SLC4A10: variants seen among roughly 807,000 people sequenced by gnomAD.
SLC4A10 encodes the protein sodium-driven chloride bicarbonate exchanger.
In SLC4A10, 42 loss-of-function variants were observed where a neutral mutation model predicts 137.7. That is an observed-to-expected ratio of 0.30 (90% CI 0.24 to 0.39). The LOEUF (loss-of-function observed/expected upper bound fraction) is 0.39. SLC4A10 is among the 10% of genes least tolerant of loss of function. The pLI is 1.00. For synonymous variants in SLC4A10, 474 were observed against 464.1 expected (o/e 1.02, Z -0.27); for missense variants, 925 against 1,355.0 (o/e 0.68, Z 4.98).
chr2:161,877,871 T>C (rs996563223), intron 8 of SLC4A10, among the ~76,000 whole-genome samples: 2 of 152,068 alleles, frequency 1.3e-5, no homozygotes, highest in African/African-American at 4.8e-5. Flanking sequence ...TACTGTAGGA[T>C]ATTTTTATAT....
chr2:161,832,651 G>GTC (rs1214157683), intron 3 of SLC4A10, among the ~76,000 whole-genome samples: 1 of 152,132 alleles, frequency 6.6e-6, no homozygotes, highest in Non-Finnish European at 1.5e-5. Context: ...TTCACCTATT[G>GTC]TAACAATTAG....
chr2:161,754,837 G>A (rs1433983790), intron 1 of SLC4A10, among the ~76,000 whole-genome samples: 1 of 151,950 alleles, frequency 6.6e-6, no homozygotes, highest in Non-Finnish European at 1.5e-5. Context: ...TTATTCATTG[G>A]AAATAGCAAG....
intron 2 of SLC4A10, among the ~76,000 whole-genome samples, chr2:161,771,999 G>T (rs1389597174): frequency 6.6e-6 from 1 of 151,694 alleles, no homozygotes; most frequent in South Asian, 2.1e-4. Flanking sequence ...ATTGCTCTTG[G>T]ATCTTATCTT....
intron 1 of SLC4A10, among the ~76,000 whole-genome samples, chr2:161,767,239 TATA>T (rs2051006454): frequency 7.4e-6 from 1 of 134,874 alleles, no homozygotes; most frequent in African/African-American, 2.8e-5. Context: ...TATACACATA[TATA>T]TATATATATA....
chr2:161,642,807 C>G (rs1245781519), intron 1 of SLC4A10, among the ~76,000 whole-genome samples: 2 of 151,886 alleles, frequency 1.3e-5, no homozygotes, highest in East Asian at 3.9e-4. Context: ...AAAAATAGGT[C>G]AGTACAAATA....
At position 161,732,554 on chromosome 2, in the gene SLC4A10, C is replaced by T. The variant is rs371221872; in HGVS notation, c.49-38419C>T. ...GTCACTAATACTTAGAACAGTACAT[C>T]ATCATATTTTATGAGTATGTCTCCC... On this transcript the variant is annotated intron_variant, in intron 1 of 26. Coordinates refer to ENST00000446997, the MANE Select transcript of SLC4A10 (RefSeq NM_001178015.2). Among the ~76,000 whole-genome samples the T allele has an allele frequency of 3.0e-4, 46 of 152,310 alleles. 1 individual carries two copies. The South Asian group carries it at 9.1e-3, about 30-fold the overall frequency.
chr2:161,771,014 T>G lies in SLC4A10; in HGVS notation c.90T>G (p.Arg30=). Residue 30 remains arginine, a synonymous_variant, in exon 2 of 27, where the codon CGT becomes CGG. Transcript: ENST00000446997. ...EEAVVDRGGT[R]SILKTHFEKE... is the part of the protein sequence containing the mutation. Reference sequence around the variant, plus strand: ...CAGTTGTGGATAGAGGTGGAACTCGTTCTATTCTCAAAACACACTTTGAGA... The same window carrying G: ...CAGTTGTGGATAGAGGTGGAACTCGGTCTATTCTCAAAACACACTTTGAGA... 1 of 1,606,302 alleles carries G rather than the reference T, an allele frequency of 6.2e-7. No individual in the cohort carries two copies. Among genetic ancestry groups the G allele is most frequent in the Non-Finnish European group, 8.5e-7 (1 of 1,175,946 alleles).
intron 4 of SLC4A10, among the ~76,000 whole-genome samples, chr2:161,843,684 A>T (rs1211239469): frequency 1.3e-5 from 2 of 152,074 alleles, no homozygotes; most frequent in African/African-American, 2.4e-5. Flanking sequence ...TTAATTCATG[A>T]CTCCATCTGA....
chr2:161,827,530 C>G (rs559546464), intron 3 of SLC4A10, among the ~76,000 whole-genome samples: 25 of 152,180 alleles, frequency 1.6e-4, no homozygotes, highest in South Asian at 1.0e-3. Context: ...ACCATCACCC[C>G]CTATCTCTAA....
At chr2:161,929,110 A>G (rs1277327136) in intron 15 of SLC4A10, among the ~76,000 whole-genome samples, 2 of 152,148 alleles carry the variant, frequency 1.3e-5, no homozygotes, top group Non-Finnish European at 2.9e-5. Context: ...CTAACTGACC[A>G]TCTTAGGGAA....
chr2:161,912,140 G>A (rs1284843459), intron 15 of SLC4A10, among the ~76,000 whole-genome samples: 1 of 152,118 alleles, frequency 6.6e-6, no homozygotes, highest in Non-Finnish European at 1.5e-5. Flanking sequence ...AGAGCTAAGG[G>A]ATTGGCAGAT....
At chr2:161,831,225 C>G (rs1221685728) in intron 3 of SLC4A10, among the ~76,000 whole-genome samples, 1 of 152,100 alleles carries the variant, frequency 6.6e-6, no homozygotes, top group South Asian at 2.1e-4. Context: ...TATTTTTCAC[C>G]TTTGCCCTCT....
intron 1 of SLC4A10, among the ~76,000 whole-genome samples, chr2:161,716,891 T>C (rs1266664489): frequency 6.6e-6 from 1 of 152,222 alleles, no homozygotes; most frequent in Non-Finnish European, 1.5e-5. Flanking sequence ...CTTTGGGCAG[T>C]ATGGCCATTT....
chr2:161,791,650 C>T (rs918189548), intron 2 of SLC4A10, among the ~76,000 whole-genome samples: 5 of 152,106 alleles, frequency 3.3e-5, no homozygotes, highest in African/African-American at 4.8e-5. Flanking sequence ...GATTAAAAAA[C>T]GAAATTACTT....
intron 1 of SLC4A10, among the ~76,000 whole-genome samples, chr2:161,664,522 T>A (rs2038820001): frequency 6.6e-6 from 1 of 151,910 alleles, no homozygotes; most frequent in South Asian, 2.1e-4. Flanking sequence ...TTTTAGCATA[T>A]TTTCAGCCTA....
chr2:161,829,812 C>A (rs535804358), intron 3 of SLC4A10, among the ~76,000 whole-genome samples: 10 of 152,190 alleles, frequency 6.6e-5, no homozygotes, highest in Admixed American at 2.0e-4. Flanking sequence ...GCCTCACAAT[C>A]ATGGCGGGAA....
chr2:161,690,270 G>A (rs998461092), intron 1 of SLC4A10, among the ~76,000 whole-genome samples: 3 of 152,120 alleles, frequency 2.0e-5, no homozygotes, highest in African/African-American at 7.2e-5. Flanking sequence ...AGTCAGAATG[G>A]TGATTATTAA....
intron 1 of SLC4A10, among the ~76,000 whole-genome samples, chr2:161,644,188 A>G (rs1290814055): frequency 6.6e-6 from 1 of 152,062 alleles, no homozygotes; most frequent in Non-Finnish European, 1.5e-5. Context: ...AGAATGGAAG[A>G]TTATGTTCCA....
chr2:161,941,146 G>A (rs2105747757), intron 15 of SLC4A10, among the ~76,000 whole-genome samples: 1 of 152,248 alleles, frequency 6.6e-6, no homozygotes, highest in Admixed American at 6.5e-5. Flanking sequence ...AAACAACAAT[G>A]TTCCTAACAT....
Sources: gnomAD v4.1 joint callset for allele counts (sites outside exome capture counted in the v4.1 genomes callset) on GRCh38, gnomAD v4.1.1 for gene constraint, MANE v1.5 for transcripts, NCBI Gene and HGNC (gene_info 2026-07-23, HGNC 2026-07-21) for gene names.